The following PCDH15 variants were observed in gnomAD, a reference collection of about 807,000 sequenced individuals.
PCDH15 encodes protocadherin related 15.
PCDH15 carries 129 observed loss-of-function variants against 178.5 expected under a neutral mutation model. That is an observed-to-expected ratio of 0.72 (90% CI 0.63 to 0.84). The LOEUF (loss-of-function observed/expected upper bound fraction) is 0.84, where lower values mean the gene tolerates loss of function less well. PCDH15 is among the 40% of genes least tolerant of loss of function. The probability of loss-of-function intolerance (pLI) is 0.00; values close to 1 mark genes in which losing one functional copy is unlikely to be tolerated. For missense variants in PCDH15, 2,230 were observed against 2,099.9 expected, an observed-to-expected ratio of 1.06 and a Z score of -1.21; for synonymous variants, 800 against 732.0, an observed-to-expected ratio of 1.09 and a Z score of -1.50.
At position 55,548,047 on chromosome 10, in the gene PCDH15, G is replaced by T. The variant is rs899282398; in HGVS notation, c.-156+79578C>A. On this transcript the variant is annotated intron_variant, in intron 2 of 5. Coordinates refer to the PCDH15 transcript ENST00000613346. ...GAGAAGCCATTCTGGTCATTCTAGG[G>T]CCAGGCTCACATGAAAAAGAATGAA... Among the ~76,000 whole-genome samples, 12 of 151,726 alleles carry T rather than the reference G, an allele frequency of 7.9e-5. No homozygotes were observed. In the Admixed American group the frequency reaches 7.9e-4, roughly 10 times the overall value.
chr10:54,017,756 T>C (rs368120819), intron 20 of PCDH15, among the ~76,000 whole-genome samples: 64 of 152,142 alleles, frequency 4.2e-4, no homozygotes, highest in African/African-American at 1.4e-3. Context: ...AATACACTTA[T>C]GTAACAAATG....
chr10:54,602,650 T>C (rs1041077732), intron 2 of PCDH15, among the ~76,000 whole-genome samples: 2 of 152,006 alleles, frequency 1.3e-5, no homozygotes. Context: ...CTACACCTAT[T>C]GTATTGAGAG....
intron 23 of PCDH15, among the ~76,000 whole-genome samples, chr10:53,953,230 G>A (rs2087259761): frequency 1.3e-5 from 2 of 152,238 alleles, no homozygotes; most frequent in African/African-American, 2.4e-5. Context: ...TATTTCAAAA[G>A]TTTTAAGAAG....
chr10:54,697,904 T>C (rs1235697454), intron 1 of PCDH15, among the ~76,000 whole-genome samples: 1 of 152,104 alleles, frequency 6.6e-6, no homozygotes, highest in African/African-American at 2.4e-5. Context: ...TACGATACTA[T>C]TTAGGCCACC....
chr10:55,567,004 G>A (rs914292032), intron 2 of PCDH15, among the ~76,000 whole-genome samples: 3 of 152,010 alleles, frequency 2.0e-5, no homozygotes, highest in African/African-American at 7.2e-5. Flanking sequence ...ACAAGCTAGA[G>A]CACTCAGACT....
chr10:54,205,571 A>G (rs1020574453), intron 10 of PCDH15, among the ~76,000 whole-genome samples: 5 of 150,364 alleles, frequency 3.3e-5, no homozygotes, highest in African/African-American at 1.2e-4. Flanking sequence ...GAATCAATGA[A>G]CATATTATCA....
chr10:54,554,228 C>T (rs938910654), intron 2 of PCDH15, among the ~76,000 whole-genome samples: 1 of 152,112 alleles, frequency 6.6e-6, no homozygotes, highest in Non-Finnish European at 1.5e-5. Flanking sequence ...GATTACACAA[C>T]CTGAGTTTCA....
intron 1 of PCDH15, among the ~76,000 whole-genome samples, chr10:55,207,608 C>T (rs1039493366): frequency 2.0e-5 from 3 of 152,114 alleles, no homozygotes; most frequent in Non-Finnish European, 2.9e-5. Context: ...CATTTTTCTA[C>T]TCAGATAGTT....
intron 8 of PCDH15, among the ~76,000 whole-genome samples, chr10:54,264,478 G>A (rs2057538159): frequency 6.6e-6 from 1 of 152,086 alleles, no homozygotes; most frequent in Non-Finnish European, 1.5e-5. Context: ...GAAAGTCAAT[G>A]AGACATAAGA....
At chr10:55,321,232 C>T (rs766599842), upstream of PCDH15, among the ~76,000 whole-genome samples, 2 of 152,002 alleles carry the variant, frequency 1.3e-5, no homozygotes, top group Non-Finnish European at 2.9e-5. Flanking sequence ...ACATAATGAA[C>T]CAAGATGAGG....
chr10:54,508,498 T>C (rs1330859478), intron 3 of PCDH15, among the ~76,000 whole-genome samples: 1 of 152,138 alleles, frequency 6.6e-6, no homozygotes, highest in Non-Finnish European at 1.5e-5. Context: ...CTAAATGTCA[T>C]AGCATAACAT....
At chr10:55,026,924 T>C (rs1840489782) in intron 2 of PCDH15, among the ~76,000 whole-genome samples, 2 of 151,912 alleles carry the variant, frequency 1.3e-5, no homozygotes, top group African/African-American at 2.4e-5. Flanking sequence ...AGTGTGTATA[T>C]TGGGATGATA....
intron 3 of PCDH15, among the ~76,000 whole-genome samples, chr10:54,828,972 GA>G (rs1953178664): frequency 6.6e-6 from 1 of 151,954 alleles, no homozygotes; most frequent in Admixed American, 6.6e-5. Flanking sequence ...CCCTCAAGTG[GA>G]AAGATTCTGA....
At chr10:54,701,163 G>A (rs903766337) in intron 1 of PCDH15, among the ~76,000 whole-genome samples, 1 of 151,958 alleles carries the variant, frequency 6.6e-6, no homozygotes, top group African/African-American at 2.4e-5. Context: ...AAGATAATCT[G>A]GGTCTTATCT....
At chr10:54,156,470 T>G (rs2045161601) in intron 13 of PCDH15, among the ~76,000 whole-genome samples, 1 of 152,166 alleles carries the variant, frequency 6.6e-6, no homozygotes, top group South Asian at 2.1e-4. Context: ...GAAGCTCCCC[T>G]TTTTAAAACC....
chr10:55,574,725 C>T (rs1340807272), intron 2 of PCDH15, among the ~76,000 whole-genome samples: 1 of 151,866 alleles, frequency 6.6e-6, no homozygotes, highest in African/African-American at 2.4e-5. Context: ...ACAGAACCAA[C>T]AATATAATAG....
chr10:55,335,666 C>T (rs961755360), intron 2 of PCDH15, among the ~76,000 whole-genome samples: 3 of 152,164 alleles, frequency 2.0e-5, no homozygotes, highest in South Asian at 2.1e-4. Flanking sequence ...ACACAGGAAA[C>T]GCACAGTTTG....
At chr10:55,555,420 G>T (rs1225849046) in intron 2 of PCDH15, among the ~76,000 whole-genome samples, 4 of 151,964 alleles carry the variant, frequency 2.6e-5, no homozygotes, top group African/African-American at 9.7e-5. Flanking sequence ...AAGTTCTTCT[G>T]CTTCTCCAAT....
At chr10:55,357,119 A>G (rs2121533) in intron 2 of PCDH15, among the ~76,000 whole-genome samples, 81,996 of 151,660 alleles carry the variant, frequency 0.54, 22,633 homozygotes, top group African/African-American at 0.63. Flanking sequence ...AAAATAAAAA[A>G]TCGCTGGGCA....
Sources: allele counts gnomAD v4.1 joint callset (sites outside exome capture counted in the v4.1 genomes callset), GRCh38; gene constraint gnomAD v4.1.1; transcripts MANE v1.5; gene names NCBI Gene and HGNC (gene_info 2026-07-23, HGNC 2026-07-21).